SLC7A5: variants seen among roughly 807,000 people sequenced by gnomAD.
SLC7A5 encodes large neutral amino acids transporter small subunit 1.
In SLC7A5, 23 loss-of-function variants were observed where a neutral mutation model predicts 50.2. The observed-to-expected ratio is 0.46, with a 90% CI of 0.33 to 0.65. The LOEUF is 0.65. SLC7A5 is among the 30% of genes least tolerant of loss of function. The pLI, the probability that SLC7A5 is intolerant of heterozygous loss-of-function variation, is 0.02. For missense variants in SLC7A5, 578 were observed against 684.4 expected, an observed-to-expected ratio of 0.84 and a Z score of 1.73; for synonymous variants, 393 against 330.6, an observed-to-expected ratio of 1.19 and a Z score of -2.05.
At chr16:87,864,754 A>T (rs555133949) in intron 1 of SLC7A5, among the ~76,000 whole-genome samples, 1 of 152,236 alleles carries the variant, frequency 6.6e-6, no homozygotes, top group African/African-American at 2.4e-5. Context: ...ACGTGCATTT[A>T]TTCAGTATGA....
intron 2 of SLC7A5, among the ~76,000 whole-genome samples, chr16:87,847,352 A>C (rs1035709742): frequency 1.1e-4 from 16 of 152,164 alleles, no homozygotes; most frequent in Non-Finnish European, 2.1e-4. Flanking sequence ...CCCCACCCAC[A>C]GGAAGAGGAG....
chr16:87,865,130 C>T (rs1489161910), intron 1 of SLC7A5, among the ~76,000 whole-genome samples: 1 of 152,100 alleles, frequency 6.6e-6, no homozygotes, highest in African/African-American at 2.4e-5. Context: ...TTGCCTTACA[C>T]ACAGGGGCAA....
At chr16:87,835,412 G>T (rs1245862877) in intron 8 of SLC7A5, among the ~76,000 whole-genome samples, 1 of 152,258 alleles carries the variant, frequency 6.6e-6, no homozygotes, top group Non-Finnish European at 1.5e-5. Context: ...GCCCATGTAG[G>T]GCGGCTCCTC....
In SLC7A5 at chr16:87,869,290, T is replaced by TCACGCC; in HGVS notation, c.127_132dup (p.Gly43_Val44dup). The TCACGCC allele has an allele frequency of 1.9e-6, 3 of 1,611,824 alleles. No homozygotes were observed. Among genetic ancestry groups the TCACGCC allele is most frequent in the East Asian group, 2.2e-5 (1 of 44,868 alleles). On this transcript the variant is annotated inframe_insertion, in exon 1 of 10. Coordinates refer to ENST00000261622, the MANE Select transcript of SLC7A5 (RefSeq NM_003486.7). ...AGCAGCGTGATGTTCCGCTGCAGGG[T>TCACGCC]CACGCCCTCGCCCTCGCCTGCCGGC...
At chr16:87,857,330 C>T (rs1478878141) in intron 1 of SLC7A5, among the ~76,000 whole-genome samples, 2 of 152,122 alleles carry the variant, frequency 1.3e-5, no homozygotes, top group African/African-American at 4.8e-5. Flanking sequence ...TCAAGCCATT[C>T]TCTCACATCT....
rs1389768626 is a variant in SLC7A5 at position 87,831,760 on chromosome 16, T to A, written c.*1210A>T. The A allele has an allele frequency of 6.6e-6, 1 of 152,172 alleles. No homozygotes were observed. Among genetic ancestry groups the A allele is most frequent in the Non-Finnish European group, 1.5e-5 (1 of 68,066 alleles). 9.4% of individuals were successfully genotyped at this position (152,172 alleles called of 1,614,324 possible). On this transcript the variant is annotated 3_prime_UTR_variant, in exon 10 of 10. Coordinates refer to ENST00000261622, the MANE Select transcript of SLC7A5 (RefSeq NM_003486.7). ...TTGGCCAGGCCTCGGCTGCCTCCCA[T>A]AGCGAAAAAAATTCACGGGAACAAC...
chr16:87,833,163 C>A lies in SLC7A5; in HGVS notation c.1469-138G>T. 1.3e-6 allele frequency: 1 copy of A among 770,972 alleles called. No individual in the cohort carries two copies. Among genetic ancestry groups the A allele is most frequent in the Non-Finnish European group, 2.3e-6 (1 of 428,072 alleles). 47.8% of individuals were successfully genotyped at this position (770,972 alleles called of 1,614,324 possible). ...TGCCCAGCGCTGGGATTTTAAGGAA[C>A]CTTCCCTTGTGTACTTGCGCATGTG... On this transcript the variant is annotated intron_variant, in intron 9 of 9. Coordinates refer to ENST00000261622, the MANE Select transcript of SLC7A5 (RefSeq NM_003486.7). The surrounding 1 kb of genome is among the most constrained non-coding windows in gnomAD (Gnocchi z 6.0).
In SLC7A5 at chr16:87,852,490, G is replaced by C. The variant is rs754831863; in HGVS notation, c.539-641C>G. Reference sequence around the variant, plus strand: ...ATACGATGAAACCCAAAATAGCACCGTGTGCTTCAGAAGCCTGAGTGACCC... The same window carrying C: ...ATACGATGAAACCCAAAATAGCACCCTGTGCTTCAGAAGCCTGAGTGACCC... On this transcript the variant is annotated intron_variant, in intron 1 of 9. Transcript: ENST00000261622. This position sits in a 1 kb window ranked among gnomAD's most constrained non-coding sequence, Gnocchi z 4.5. 6.6e-6 allele frequency among the ~76,000 whole-genome samples: 1 copy of C among 152,134 alleles called. No homozygotes were observed. Among genetic ancestry groups the C allele is most frequent in the Non-Finnish European group, 1.5e-5 (1 of 68,014 alleles).
At position 87,868,895 on chromosome 16, in the gene SLC7A5, G is replaced by A. The variant is rs752485790; in HGVS notation, c.528C>T (p.Cys176=). The change falls in exon 1 of 10, where the codon TGC becomes TGT. Residue 176 remains cysteine, a synonymous_variant. Transcript: ENST00000261622. ...GCGCCCCGTACTCACGCACGCAGAG[G>A]CAGGCCACGAGCTTGGCTGCCTCCT... ...VPEEAAKLVA[C]LCVLLLTAVN... 6.2e-6 allele frequency: 10 copies of A among 1,607,582 alleles called. No homozygotes were observed. Among genetic ancestry groups the A allele is most frequent in the South Asian group, 3.3e-5 (3 of 90,436 alleles).
chr16:87,845,464 G>A (rs1416765064), intron 2 of SLC7A5, among the ~76,000 whole-genome samples: 2 of 151,024 alleles, frequency 1.3e-5, no homozygotes, highest in Non-Finnish European at 3.0e-5. Flanking sequence ...ACTCCAGGCA[G>A]AGTCCACGCC....
chr16:87,858,046 C>T (rs1347278530), intron 1 of SLC7A5, among the ~76,000 whole-genome samples: 1 of 152,162 alleles, frequency 6.6e-6, no homozygotes, highest in African/African-American at 2.4e-5. Flanking sequence ...CTGACACAAG[C>T]GTCCTGGTGG....
intron 2 of SLC7A5, among the ~76,000 whole-genome samples, chr16:87,846,868 T>C (rs1292705739): frequency 6.6e-6 from 1 of 152,144 alleles, no homozygotes; most frequent in Non-Finnish European, 1.5e-5. Flanking sequence ...GTGGCTCCCG[T>C]GCCGGGGACG....
intron 1 of SLC7A5, among the ~76,000 whole-genome samples, chr16:87,857,491 C>T (rs1270334322): frequency 1.3e-5 from 2 of 152,248 alleles, no homozygotes; most frequent in African/African-American, 2.4e-5. Context: ...CCATGTTGGC[C>T]GGGCTGGTCT....
At chr16:87,855,305 C>T (rs928924137) in intron 1 of SLC7A5, among the ~76,000 whole-genome samples, 8 of 152,074 alleles carry the variant, frequency 5.3e-5, no homozygotes, top group Admixed American at 3.9e-4. Context: ...TGGGGTGGGG[C>T]CGGCAGTGAT....
At chr16:87,854,612 G>A (rs1184616889) in intron 1 of SLC7A5, among the ~76,000 whole-genome samples, 1 of 152,254 alleles carries the variant, frequency 6.6e-6, no homozygotes, top group Admixed American at 6.5e-5. Context: ...CAGAGTGAGG[G>A]GGCTGAGCAC....
rs2054941481 is a variant in SLC7A5, at chr16:87,832,038, G to T, written c.*932C>A. ...AGAGGCCAATGCATTGGAGGCTGAGGGTAGCTGCGACCTCTGGGGCAGGGG... is the reference window on the plus strand; with the variant it reads ...AGAGGCCAATGCATTGGAGGCTGAGTGTAGCTGCGACCTCTGGGGCAGGGG... On this transcript the variant is annotated 3_prime_UTR_variant, in exon 10 of 10. Transcript: ENST00000261622. The surrounding 1 kb of genome is among the most constrained non-coding windows in gnomAD (Gnocchi z 4.6). The T allele has an allele frequency of 6.6e-6, 1 of 152,380 alleles. No homozygotes were observed. The highest frequency in any genetic ancestry group is 2.1e-4 in the South Asian group (1 of 4,838). The allele number at this position is 152,380 out of a possible 1,614,324, so 9.4% of individuals were successfully genotyped here. A position where few individuals can be genotyped will look rare whatever the true frequency, so the allele number is the denominator to read the frequency against.
At position 87,852,361 on chromosome 16, in the gene SLC7A5, T is replaced by C. The variant is rs1236624852; in HGVS notation, c.539-512A>G. On this transcript the variant is annotated intron_variant, in intron 1 of 9. Coordinates refer to ENST00000261622, the MANE Select transcript of SLC7A5 (RefSeq NM_003486.7). The surrounding 1 kb of genome is among the most constrained non-coding windows in gnomAD (Gnocchi z 4.5). Reference sequence around the variant, plus strand: ...TCCAACAGAAGTGGGGTGTCCCGCTTTCCCGGAACTACCTGGCCAGTCACC... The same window carrying C: ...TCCAACAGAAGTGGGGTGTCCCGCTCTCCCGGAACTACCTGGCCAGTCACC... Among the ~76,000 whole-genome samples, 1 of 152,176 alleles carries C rather than the reference T, an allele frequency of 6.6e-6. No homozygotes were observed. The highest frequency in any genetic ancestry group is 1.5e-5 in the Non-Finnish European group (1 of 68,030).
chr16:87,843,889 C>T (rs1432976109), intron 2 of SLC7A5, among the ~76,000 whole-genome samples: 1 of 152,204 alleles, frequency 6.6e-6, no homozygotes, highest in Non-Finnish European at 1.5e-5. Flanking sequence ...AGGACCAGCT[C>T]CTCTCAGCTT....
chr16:87,851,031 A>C (rs1307532765), intron 2 of SLC7A5, among the ~76,000 whole-genome samples: 1 of 152,214 alleles, frequency 6.6e-6, no homozygotes, highest in Non-Finnish European at 1.5e-5. Flanking sequence ...AGCAGCTGGG[A>C]AAAAGGCTCA....
Sources: gnomAD v4.1 joint callset for allele counts (sites outside exome capture counted in the v4.1 genomes callset) on GRCh38, gnomAD v4.1.1 for gene constraint, Gnocchi (gnomAD v3.1) non-coding constraint, MANE v1.5 for transcripts, NCBI Gene and HGNC (gene_info 2026-07-23, HGNC 2026-07-21) for gene names.